Variants in PTPRM observed in about 807,000 individuals in gnomAD.
PTPRM encodes the protein protein tyrosine phosphatase receptor type M.
A neutral mutation model predicts 186.7 loss-of-function variants in PTPRM; 47 were observed. The ratio of observed to expected loss-of-function variants is 0.25; its 90% confidence interval spans 0.20 to 0.32. The LOEUF (loss-of-function observed/expected upper bound fraction) is 0.32. Among genes scored for constraint, PTPRM ranks in the 10% least tolerant of loss-of-function variants. The probability of loss-of-function intolerance (pLI) is 1.00; values close to 1 mark genes in which losing one functional copy is unlikely to be tolerated. For synonymous variants in PTPRM, 668 were observed against 674.9 expected (o/e 0.99, Z 0.16); for missense variants, 1,494 against 1,865.0 (o/e 0.80, Z 3.66).
chr18:8,099,533 G>A (rs1378702208), intron 11 of PTPRM, among the ~76,000 whole-genome samples: 1 of 152,084 alleles, frequency 6.6e-6, no homozygotes, highest in African/African-American at 2.4e-5. Flanking sequence ...TCAACCACTG[G>A]GGCCGGGACA....
At chr18:8,363,463 C>T (rs938868457) in intron 23 of PTPRM, among the ~76,000 whole-genome samples, 3 of 152,118 alleles carry the variant, frequency 2.0e-5, no homozygotes, top group African/African-American at 7.2e-5. Flanking sequence ...ATATCATGTA[C>T]CACTCTAAGA....
intron 1 of PTPRM, among the ~76,000 whole-genome samples, chr18:7,704,938 T>C (rs1291901597): frequency 2.6e-5 from 4 of 152,154 alleles, no homozygotes; most frequent in Non-Finnish European, 4.4e-5. Context: ...ACAAAGGCCT[T>C]AAAATTATGT....
chr18:7,889,993 T>G (rs1012340933), intron 3 of PTPRM, among the ~76,000 whole-genome samples: 1 of 152,234 alleles, frequency 6.6e-6, no homozygotes, highest in African/African-American at 2.4e-5. Flanking sequence ...CGTCACGTCC[T>G]GTCTGCCCTT....
intron 7 of PTPRM, among the ~76,000 whole-genome samples, chr18:8,046,006 T>C (rs1568243201): frequency 6.6e-6 from 1 of 152,090 alleles, no homozygotes; most frequent in Non-Finnish European, 1.5e-5. Flanking sequence ...GTGTCAAGGG[T>C]AGTGTCATGG....
At chr18:8,141,765 G>A (rs1398271867) in intron 13 of PTPRM, among the ~76,000 whole-genome samples, 1 of 7,202 alleles carries the variant, frequency 1.4e-4, no homozygotes, top group Non-Finnish European at 4.5e-4. Context: ...GAGATAAATG[G>A]AATGGCTTTC....
At chr18:7,767,651 T>C (rs574579132) in intron 1 of PTPRM, among the ~76,000 whole-genome samples, 2 of 152,344 alleles carry the variant, frequency 1.3e-5, no homozygotes, top group Non-Finnish European at 2.9e-5. Flanking sequence ...GACAATATTT[T>C]ATTTTCATAA....
intron 1 of PTPRM, among the ~76,000 whole-genome samples, chr18:7,771,482 C>T (rs1427742302): frequency 1.3e-5 from 2 of 152,158 alleles, no homozygotes; most frequent in African/African-American, 4.8e-5. Flanking sequence ...CATTTTGTTT[C>T]TGGAGTTGTT....
At chr18:7,683,066 C>CT (rs1480197628) in intron 1 of PTPRM, among the ~76,000 whole-genome samples, 2 of 151,850 alleles carry the variant, frequency 1.3e-5, no homozygotes, top group Non-Finnish European at 2.9e-5. Context: ...CTTAGTGTCT[C>CT]TGAGTAATCA....
At chr18:8,122,961 T>C (rs983039169) in intron 13 of PTPRM, among the ~76,000 whole-genome samples, 12 of 152,204 alleles carry the variant, frequency 7.9e-5, no homozygotes, top group African/African-American at 2.9e-4. Flanking sequence ...TTTAGGAAAG[T>C]TTAGAAAAAT....
chr18:7,882,608 T>C lies in PTPRM; in HGVS notation c.197-5498T>C, dbSNP rs560207318. On this transcript the variant is annotated intron_variant, in intron 2 of 32. Transcript: ENST00000580170. Reference sequence around the variant, plus strand: ...TGGCTTTTGCTAAAATTAAGAAGTTTAAAAAGTGAATTTTATAATAGCTTT... The same window carrying C: ...TGGCTTTTGCTAAAATTAAGAAGTTCAAAAAGTGAATTTTATAATAGCTTT... Among the ~76,000 whole-genome samples the C allele has an allele frequency of 5.3e-3, 801 of 152,360 alleles. 7 individuals carry two copies. Among genetic ancestry groups the C allele is most frequent in the African/African-American group, 0.018 (759 of 41,584 alleles).
intron 1 of PTPRM, among the ~76,000 whole-genome samples, chr18:7,674,752 G>A (rs2039296792): frequency 6.6e-6 from 1 of 152,226 alleles, no homozygotes; most frequent in Admixed American, 6.5e-5. Flanking sequence ...TAGAGAATCA[G>A]ACACTGGTAG....
intron 2 of PTPRM, among the ~76,000 whole-genome samples, chr18:7,860,135 C>T (rs1022180948): frequency 6.6e-6 from 1 of 151,460 alleles, no homozygotes; most frequent in African/African-American, 2.4e-5. Context: ...TGCAGTGGTG[C>T]AGTCTCAGCT....
chr18:8,240,674 AAAG>A (rs2094417034), intron 14 of PTPRM, among the ~76,000 whole-genome samples: 1 of 99,152 alleles, frequency 1.0e-5, no homozygotes, highest in African/African-American at 4.4e-5. Flanking sequence ...AGAAAGAAAG[AAAG>A]AAAAAGAAAG....
intron 2 of PTPRM, among the ~76,000 whole-genome samples, chr18:7,818,343 C>T (rs923819419): frequency 2.6e-5 from 4 of 152,150 alleles, no homozygotes; most frequent in African/African-American, 9.7e-5. Flanking sequence ...TCCTTTACTT[C>T]GTTCAGTCAT....
intron 20 of PTPRM, among the ~76,000 whole-genome samples, chr18:8,303,139 G>A (rs1449945763): frequency 1.3e-5 from 2 of 152,004 alleles, no homozygotes; most frequent in South Asian, 2.1e-4. Flanking sequence ...AATAATGGGC[G>A]GTCCTGAGAC....
chr18:7,859,450 C>T (rs1006287065), intron 2 of PTPRM, among the ~76,000 whole-genome samples: 5 of 152,306 alleles, frequency 3.3e-5, no homozygotes, highest in African/African-American at 4.8e-5. Context: ...TTATTACTCC[C>T]GTCTCCCAAC....
chr18:8,119,145 T>G (rs1178826729), intron 13 of PTPRM, among the ~76,000 whole-genome samples: 7 of 152,184 alleles, frequency 4.6e-5, no homozygotes, highest in Non-Finnish European at 1.0e-4. Flanking sequence ...AACATTTTAT[T>G]TAAGTTAAAT....
In PTPRM at chr18:7,795,730, C is replaced by T. The variant is rs559661335; in HGVS notation, c.196+21459C>T. ...TTTTGAATGAACACATACTAGTTTA[C>T]ATTGTATATTTGTATCACACAAAGT... is the stretch of plus-strand genomic sequence containing the variant. On this transcript the variant is annotated intron_variant, in intron 2 of 32. Coordinates refer to ENST00000580170, the MANE Select transcript of PTPRM (RefSeq NM_001105244.2). 1.7e-4 allele frequency among the ~76,000 whole-genome samples: 26 copies of T among 151,366 alleles called. 1 individual carries two copies. In the South Asian group the frequency reaches 5.4e-3, roughly 32 times the overall value.
chr18:8,190,547 G>A (rs2093697055), intron 14 of PTPRM, among the ~76,000 whole-genome samples: 1 of 152,174 alleles, frequency 6.6e-6, no homozygotes, highest in Non-Finnish European at 1.5e-5. Context: ...CAGAAAGACA[G>A]AGATAATACA....
Sources: allele counts gnomAD v4.1 joint callset (sites outside exome capture counted in the v4.1 genomes callset), GRCh38; gene constraint gnomAD v4.1.1; transcripts MANE v1.5; gene names NCBI Gene and HGNC (gene_info 2026-07-23, HGNC 2026-07-21).